Variants in UBASH3B observed in about 807,000 individuals in gnomAD.
UBASH3B encodes ubiquitin-associated and SH3 domain-containing protein B.
A neutral mutation model predicts 83.4 loss-of-function variants in UBASH3B; 37 were observed. The observed-to-expected ratio is 0.44, with a 90% CI of 0.34 to 0.58. The LOEUF is 0.58. UBASH3B is among the 20% of genes least tolerant of loss of function. The probability of loss-of-function intolerance (pLI) is 0.01; values close to 1 mark genes in which losing one functional copy is unlikely to be tolerated. For missense variants in UBASH3B, 657 were observed against 827.2 expected (o/e 0.79, Z 2.52); for synonymous variants, 304 against 318.3 (o/e 0.96, Z 0.48).
chr11:122,796,041 C>T (rs1861149618), intron 7 of UBASH3B, 115 bp from the exon 8 acceptor site: 1 of 1,393,450 alleles, frequency 7.2e-7, no homozygotes, highest in Non-Finnish European at 1.0e-6. Context: ...CTGTCCTCAC[C>T]AAGTCATACC....
intron 1 of UBASH3B, among the ~76,000 whole-genome samples, chr11:122,713,929 TCTG>T (rs1464519556): frequency 7.2e-5 from 11 of 151,988 alleles, no homozygotes; most frequent in Admixed American, 7.2e-4. Flanking sequence ...AGAAACCACC[TCTG>T]GATAACTTAA....
intron 1 of UBASH3B, among the ~76,000 whole-genome samples, chr11:122,706,415 C>G (rs1041270076): frequency 1.3e-5 from 2 of 152,188 alleles, no homozygotes; most frequent in Non-Finnish European, 2.9e-5. Context: ...GTCTTGTTTG[C>G]ACATCTGGCC....
intron 1 of UBASH3B, among the ~76,000 whole-genome samples, chr11:122,760,232 C>G (rs1454472079): frequency 6.6e-6 from 1 of 152,090 alleles, no homozygotes; most frequent in Non-Finnish European, 1.5e-5. Flanking sequence ...GGTGCCCAGA[C>G]AGGTAGGGAC....
At chr11:122,659,818 C>G (rs1691866167) in intron 1 of UBASH3B, among the ~76,000 whole-genome samples, 1 of 152,168 alleles carries the variant, frequency 6.6e-6, no homozygotes, top group Non-Finnish European at 1.5e-5. Context: ...GACAGAGTGA[C>G]AGCAGCCAGG....
At chr11:122,684,061 C>T (rs1042722035) in intron 1 of UBASH3B, among the ~76,000 whole-genome samples, 3 of 152,254 alleles carry the variant, frequency 2.0e-5, no homozygotes, top group East Asian at 3.9e-4. Context: ...TGACCAAAAA[C>T]TCTTGATAAA....
At chr11:122,741,396 T>C (rs1355955619) in intron 1 of UBASH3B, among the ~76,000 whole-genome samples, 1 of 152,210 alleles carries the variant, frequency 6.6e-6, no homozygotes, top group Non-Finnish European at 1.5e-5. Flanking sequence ...ACTCTTTGCA[T>C]TGGCTGTTTA....
intron 1 of UBASH3B, among the ~76,000 whole-genome samples, chr11:122,757,709 CTTTTTTTTTTTTT>C (rs781180822): frequency 4.3e-5 from 4 of 92,114 alleles, no homozygotes; most frequent in South Asian, 4.1e-4. Context: ...CTTCTTTTCC[CTTTTTTTTTTTTT>C]TTTTTTTTTT....
intron 1 of UBASH3B, among the ~76,000 whole-genome samples, chr11:122,689,351 A>G (rs900080032): frequency 2.0e-5 from 3 of 152,128 alleles, no homozygotes; most frequent in Admixed American, 1.3e-4. Context: ...TGAATATACT[A>G]TTTAATCAGT....
intron 1 of UBASH3B, among the ~76,000 whole-genome samples, chr11:122,671,047 G>A (rs1159121088): frequency 2.6e-5 from 4 of 152,090 alleles, no homozygotes; most frequent in African/African-American, 4.8e-5. Context: ...ATAAGCGTGA[G>A]CCACCACACC....
At chr11:122,755,254 G>A (rs571381754) in intron 1 of UBASH3B, among the ~76,000 whole-genome samples, 12 of 152,192 alleles carry the variant, frequency 7.9e-5, no homozygotes, top group South Asian at 4.2e-4. Context: ...TTTAATACAT[G>A]AGCACAAGGA....
chr11:122,719,775 C>G (rs189954922), intron 1 of UBASH3B, among the ~76,000 whole-genome samples: 210 of 152,278 alleles, frequency 1.4e-3, no homozygotes, highest in South Asian at 1.0e-2. Flanking sequence ...TGTCACACTG[C>G]CCCCCAAAGC....
intron 1 of UBASH3B, among the ~76,000 whole-genome samples, chr11:122,715,781 C>A (rs1356961312): frequency 6.6e-6 from 1 of 152,218 alleles, no homozygotes; most frequent in Non-Finnish European, 1.5e-5. Context: ...GCTTCCCAGC[C>A]ATTGCCAGGT....
intron 1 of UBASH3B, among the ~76,000 whole-genome samples, chr11:122,723,298 A>T (rs1860674753): frequency 6.6e-6 from 1 of 152,250 alleles, no homozygotes; most frequent in Non-Finnish European, 1.5e-5. Context: ...GGAAGCCGTT[A>T]ACCTCCTTTG....
At chr11:122,724,403 C>T (rs1359108360) in intron 1 of UBASH3B, among the ~76,000 whole-genome samples, 1 of 152,158 alleles carries the variant, frequency 6.6e-6, no homozygotes, top group Non-Finnish European at 1.5e-5. Flanking sequence ...TCTGGGTCCA[C>T]CACTGTGGCA....
At chr11:122,745,761 G>A (rs77928065) in intron 1 of UBASH3B, among the ~76,000 whole-genome samples, 1,947 of 152,206 alleles carry the variant, frequency 0.013, 39 homozygotes, top group African/African-American at 0.045. Flanking sequence ...CATTGCACCC[G>A]CTGTTCCGTC....
chr11:122,797,394 C>T (rs1861175217), intron 9 of UBASH3B: 1 of 172,640 alleles, frequency 5.8e-6, no homozygotes, highest in Admixed American at 5.7e-5. Flanking sequence ...CCTGGACTTG[C>T]TGAATTTGTA....
At chr11:122,803,404 T>G (rs1205876807) in intron 11 of UBASH3B, among the ~76,000 whole-genome samples, 1 of 152,080 alleles carries the variant, frequency 6.6e-6, no homozygotes, top group Non-Finnish European at 1.5e-5. Context: ...CAGGCTCTGC[T>G]GAAAGAGCCC....
intron 1 of UBASH3B, among the ~76,000 whole-genome samples, chr11:122,677,234 G>A (rs943316446): frequency 2.6e-5 from 4 of 152,170 alleles, no homozygotes; most frequent in African/African-American, 7.2e-5. Flanking sequence ...GTGTGCATGG[G>A]TTATATGCAA....
chr11:122,802,495 A>T (rs1426606653), intron 11 of UBASH3B, among the ~76,000 whole-genome samples: 1 of 152,116 alleles, frequency 6.6e-6, no homozygotes, highest in Non-Finnish European at 1.5e-5. Flanking sequence ...TATAAGCAGA[A>T]CTTTCTTATG....
Sources: allele counts gnomAD v4.1 joint callset (sites outside exome capture counted in the v4.1 genomes callset), GRCh38; gene constraint gnomAD v4.1.1; transcripts MANE v1.5; gene names NCBI Gene and HGNC (gene_info 2026-07-23, HGNC 2026-07-21).